The following YTHDF3 variants were observed in gnomAD, a reference collection of about 807,000 sequenced individuals.
The protein encoded by YTHDF3 is YTH N6-methyladenosine RNA binding protein F3, also known as YTH domain-containing family protein 3.
In YTHDF3, 9 loss-of-function variants were observed where a neutral mutation model predicts 52.5. The observed-to-expected ratio is 0.17, with a 90% CI of 0.10 to 0.30. The LOEUF is 0.30. Among genes scored for constraint, YTHDF3 ranks in the 10% least tolerant of loss-of-function variants. The pLI is 1.00. For synonymous variants in YTHDF3, 274 were observed against 243.3 expected, an observed-to-expected ratio of 1.13 and a Z score of -1.18; for missense variants, 534 against 715.0, an observed-to-expected ratio of 0.75 and a Z score of 2.89.
At chr8:63,181,619 C>G (rs924209296) in intron 3 of YTHDF3, among the ~76,000 whole-genome samples, 3 of 152,214 alleles carry the variant, frequency 2.0e-5, no homozygotes, top group African/African-American at 7.2e-5. Context: ...CAGTTACTTA[C>G]TCCCTCTTCT....
chr8:63,202,882 C>G (rs1371606038), intron 4 of YTHDF3, among the ~76,000 whole-genome samples: 1 of 152,086 alleles, frequency 6.6e-6, no homozygotes, highest in African/African-American at 2.4e-5. Context: ...TAATTTCATT[C>G]TTCGTTTATG....
chr8:63,172,775 C>G (rs1241398862), intron 2 of YTHDF3: 3 of 1,231,290 alleles, frequency 2.4e-6, no homozygotes, highest in Admixed American at 4.2e-5. Context: ...TTTCATAGAG[C>G]AGAGGAAACA....
Position 63,209,677 on chromosome 8 carries a change from T to C in YTHDF3, c.1735-6T>C. ...TTTTTGTGTGTGTGTGTTTTTTTTT[T>C]TTCAGGAGAGAAATAGAAACAAACA... On this transcript the variant is annotated splice_polypyrimidine_tract_variant and splice_region_variant and intron_variant, in intron 4 of 4. Coordinates refer to ENST00000539294, the MANE Select transcript of YTHDF3 (RefSeq NM_152758.6). 1.3e-6 allele frequency: 2 copies of C among 1,572,540 alleles called. No homozygotes were observed. The highest frequency in any genetic ancestry group is 1.7e-6 in the Non-Finnish European group (2 of 1,166,132).
At chr8:63,193,105 G>T (rs1809014793) in intron 4 of YTHDF3, among the ~76,000 whole-genome samples, 1 of 152,056 alleles carries the variant, frequency 6.6e-6, no homozygotes, top group African/African-American at 2.4e-5. Context: ...TGGGCATGGT[G>T]GCTCACATGT....
At chr8:63,183,195 A>C (rs1808266612) in intron 3 of YTHDF3, among the ~76,000 whole-genome samples, 1 of 152,164 alleles carries the variant, frequency 6.6e-6, no homozygotes, top group African/African-American at 2.4e-5. Context: ...TCCAGACCTC[A>C]GGTGATATGC....
intron 4 of YTHDF3, among the ~76,000 whole-genome samples, chr8:63,207,672 G>T (rs1469886599): frequency 6.6e-6 from 1 of 152,084 alleles, no homozygotes; most frequent in East Asian, 1.9e-4. Context: ...GGTCCTCATT[G>T]TTACAACCGA....
At chr8:63,192,486 T>G (rs1190412850) in intron 4 of YTHDF3, among the ~76,000 whole-genome samples, 1 of 152,218 alleles carries the variant, frequency 6.6e-6, no homozygotes, top group African/African-American at 2.4e-5. Flanking sequence ...GTGCTAGGTA[T>G]TTGACTGTCC....
chr8:63,179,338 T>C (rs913381508), intron 3 of YTHDF3, among the ~76,000 whole-genome samples: 6 of 152,132 alleles, frequency 3.9e-5, no homozygotes, highest in Non-Finnish European at 7.4e-5. Context: ...CAAAGGTCTC[T>C]GGTTTTCCTA....
At chr8:63,173,213 T>TATATATATATATATATATATATATATAC (rs947970396) in intron 2 of YTHDF3, among the ~76,000 whole-genome samples, 5 of 146,138 alleles carry the variant, frequency 3.4e-5, no homozygotes, top group South Asian at 2.1e-4. Context: ...TATATATATA[T>TATATATATATATATATATATATATATAC]ACAGATAAAT....
At chr8:63,180,285 A>T (rs926834529) in intron 3 of YTHDF3, among the ~76,000 whole-genome samples, 1 of 146,226 alleles carries the variant, frequency 6.8e-6, no homozygotes, top group African/African-American at 2.7e-5. Flanking sequence ...GATGCTCCTC[A>T]CATCCCGGAC....
chr8:63,201,298 A>T (rs1425256689), intron 4 of YTHDF3, among the ~76,000 whole-genome samples: 2 of 152,140 alleles, frequency 1.3e-5, no homozygotes, highest in African/African-American at 4.8e-5. Context: ...GTGAGGCGGG[A>T]GGATTGCTTG....
Sources: allele counts gnomAD v4.1 joint callset (sites outside exome capture counted in the v4.1 genomes callset), GRCh38; gene constraint gnomAD v4.1.1; transcripts MANE v1.5; gene names NCBI Gene and HGNC (gene_info 2026-07-23, HGNC 2026-07-21).